Variants in SAMD4A observed in about 807,000 individuals in gnomAD.
The protein encoded by SAMD4A is protein Smaug homolog 1.
In SAMD4A, 33 loss-of-function variants were observed where a neutral mutation model predicts 81.3. The ratio of observed to expected loss-of-function variants is 0.41; its 90% CI spans 0.31 to 0.54. The LOEUF (loss-of-function observed/expected upper bound fraction) is 0.54. SAMD4A is among the 20% of genes least tolerant of loss of function. The pLI is 0.37. For synonymous variants in SAMD4A, 389 were observed against 382.1 expected (o/e 1.02, Z -0.21); for missense variants, 854 against 951.1 (o/e 0.90, Z 1.34).
At chr14:54,760,038 G>A (rs1393013894) in intron 6 of SAMD4A, 123 bp from the exon 7 acceptor site, 9 of 954,190 alleles carry the variant, frequency 9.4e-6, no homozygotes, top group African/African-American at 5.2e-5. Context: ...TCCCAAAAAC[G>A]TCCTGATGAG....
chr14:54,720,822 G>A (rs189378948), intron 3 of SAMD4A, among the ~76,000 whole-genome samples: 46 of 152,198 alleles, frequency 3.0e-4, no homozygotes, highest in Admixed American at 1.8e-3. Context: ...CCTGCCTTCA[G>A]AGGTACCTGC....
chr14:54,730,454 A>G (rs1421720278), intron 3 of SAMD4A, among the ~76,000 whole-genome samples: 1 of 152,168 alleles, frequency 6.6e-6, no homozygotes, highest in Non-Finnish European at 1.5e-5. Flanking sequence ...CATCCCGTCC[A>G]CCAACCACAT....
intron 2 of SAMD4A, among the ~76,000 whole-genome samples, chr14:54,602,838 G>C (rs759428693): frequency 2.0e-5 from 3 of 151,572 alleles, no homozygotes; most frequent in Non-Finnish European, 4.4e-5. Flanking sequence ...TTCTCTCTCA[G>C]TTCATGCCTG....
At chr14:54,585,721 G>A (rs1299483992) in intron 2 of SAMD4A, among the ~76,000 whole-genome samples, 7 of 152,068 alleles carry the variant, frequency 4.6e-5, no homozygotes, top group Admixed American at 6.6e-5. Context: ...ATTACTTCAC[G>A]TAGAATAATA....
intron 7 of SAMD4A, 87 bp downstream of exon 7, chr14:54,760,581 A>T (rs914668204): frequency 7.4e-7 from 1 of 1,354,106 alleles, no homozygotes; most frequent in Non-Finnish European, 9.4e-7. Context: ...TGGGTGCTGG[A>T]TAAATTCCCT....
chr14:54,688,928 A>ATTTTTTTTTTT (rs1314915827), intron 2 of SAMD4A, among the ~76,000 whole-genome samples: 2 of 81,978 alleles, frequency 2.4e-5, no homozygotes, highest in African/African-American at 4.2e-5. Flanking sequence ...AGAAGTCGTA[A>ATTTTTTTTTTT]TTCTTTTTTT....
chr14:54,759,644 G>A (rs935058515), intron 6 of SAMD4A, among the ~76,000 whole-genome samples: 3 of 152,192 alleles, frequency 2.0e-5, no homozygotes, highest in Admixed American at 6.5e-5. Context: ...ATTTGCCCAG[G>A]TTCACATGGG....
At chr14:54,568,531 G>T (rs1232870354) in intron 2 of SAMD4A, among the ~76,000 whole-genome samples, 1 of 151,452 alleles carries the variant, frequency 6.6e-6, no homozygotes, top group Non-Finnish European at 1.5e-5. Flanking sequence ...AGATGCCCGG[G>T]ACTGCCCTTC....
chr14:54,607,529 C>A (rs1037401717), intron 2 of SAMD4A, among the ~76,000 whole-genome samples: 2 of 150,878 alleles, frequency 1.3e-5, no homozygotes, highest in Admixed American at 6.6e-5. Context: ...GATCTCTGCT[C>A]ACTGCAAGCT....
At chr14:54,580,727 A>G (rs1173670878) in intron 2 of SAMD4A, among the ~76,000 whole-genome samples, 1 of 152,234 alleles carries the variant, frequency 6.6e-6, no homozygotes, top group East Asian at 1.9e-4. Context: ...ACCTTTGTAT[A>G]GCACTAGTCT....
At chr14:54,577,821 G>T (rs1407864024) in intron 2 of SAMD4A, among the ~76,000 whole-genome samples, 1 of 152,220 alleles carries the variant, frequency 6.6e-6, no homozygotes, top group Non-Finnish European at 1.5e-5. Flanking sequence ...CTGAGAAGAA[G>T]ATGAGCAGAG....
intron 2 of SAMD4A, among the ~76,000 whole-genome samples, chr14:54,606,219 A>ATGTGTG (rs1566543939): frequency 1.7e-4 from 13 of 77,608 alleles, no homozygotes; most frequent in Admixed American, 7.5e-4. Context: ...GTGTGCGTGC[A>ATGTGTG]CGTGCACGTG....
chr14:54,643,056 A>G (rs1306724846), intron 2 of SAMD4A, among the ~76,000 whole-genome samples: 2 of 152,236 alleles, frequency 1.3e-5, no homozygotes, highest in African/African-American at 4.8e-5. Context: ...TTGGATAGAA[A>G]AGCAGATACT....
chr14:54,774,832 AAAAT>A lies in SAMD4A; in HGVS notation c.1716-101_1716-98del. ...CTGACTCAAAAAAAAAAAAAAAAAA[AAAAT>A]GAGGAGACCTCCAAGGCGACATCCC... On this transcript the variant is annotated intron_variant, in intron 9 of 12. Coordinates refer to ENST00000554335, the MANE Select transcript of SAMD4A (RefSeq NM_015589.6). 12 of 1,047,454 alleles carry A rather than the reference AAAAT, an allele frequency of 1.1e-5. No homozygotes were observed. In the East Asian group the frequency reaches 1.8e-4, roughly 16 times the overall value. 64.9% of individuals were successfully genotyped at this position (1,047,454 alleles called of 1,614,324 possible). A position where few individuals can be genotyped will look rare whatever the true frequency, so the allele number is the denominator to read the frequency against.
chr14:54,667,606 C>G (rs1009182003), intron 2 of SAMD4A, among the ~76,000 whole-genome samples: 7 of 152,324 alleles, frequency 4.6e-5, no homozygotes, highest in Middle Eastern at 3.4e-3. Flanking sequence ...GATCACCAGC[C>G]TCTCTGTTGC....
intron 4 of SAMD4A, among the ~76,000 whole-genome samples, chr14:54,747,737 A>G (rs1594891677): frequency 6.6e-6 from 1 of 152,310 alleles, no homozygotes; most frequent in Middle Eastern, 3.4e-3. Context: ...ATGAGCTAGG[A>G]ATCAGGAGAT....
At chr14:54,651,628 C>T (rs1156608821) in intron 2 of SAMD4A, among the ~76,000 whole-genome samples, 1 of 152,034 alleles carries the variant, frequency 6.6e-6, no homozygotes, top group Non-Finnish European at 1.5e-5. Flanking sequence ...TTTAGAATAA[C>T]CTCTTTTGAA....
At chr14:54,588,774 T>G (rs2033695131) in intron 2 of SAMD4A, among the ~76,000 whole-genome samples, 1 of 152,204 alleles carries the variant, frequency 6.6e-6, no homozygotes, top group African/African-American at 2.4e-5. Flanking sequence ...TTTTTCTTAT[T>G]AATTTATTAG....
intron 3 of SAMD4A, among the ~76,000 whole-genome samples, chr14:54,707,624 A>G (rs1057435660): frequency 7.9e-5 from 12 of 152,092 alleles, no homozygotes; most frequent in Admixed American, 5.2e-4. Flanking sequence ...AATAAGAACA[A>G]GGGTAGGATC....
Sources: allele counts gnomAD v4.1 joint callset (sites outside exome capture counted in the v4.1 genomes callset), GRCh38; gene constraint gnomAD v4.1.1; transcripts MANE v1.5; gene names NCBI Gene and HGNC (gene_info 2026-07-23, HGNC 2026-07-21).